The following MNAT1 variants were observed in gnomAD, a reference collection of about 807,000 sequenced individuals.
The protein encoded by MNAT1 is CDK-activating kinase assembly factor MAT1.
In MNAT1, 43 loss-of-function variants were observed where a neutral mutation model predicts 42.0. That is an observed-to-expected ratio of 1.02 (90% CI 0.80 to 1.32). The LOEUF (loss-of-function observed/expected upper bound fraction) is 1.32, where lower values mean the gene tolerates loss of function less well. MNAT1 is among the 40% of genes most tolerant of loss of function. The pLI is 0.00. For missense variants in MNAT1, 306 were observed against 350.4 expected, an observed-to-expected ratio of 0.87 and a Z score of 1.01; for synonymous variants, 118 against 120.0, an observed-to-expected ratio of 0.98 and a Z score of 0.11.
At chr14:60,879,214 CAT>C (rs1314656642) in intron 6 of MNAT1, among the ~76,000 whole-genome samples, 1 of 152,018 alleles carries the variant, frequency 6.6e-6, no homozygotes, top group African/African-American at 2.4e-5. Flanking sequence ...CAGTCTTCAC[CAT>C]AGATGTTTGT....
chr14:60,796,352 G>GA lies in MNAT1; in HGVS notation c.231dup (p.Val78SerfsTer7). 6.2e-7 allele frequency: 1 copy of GA among 1,610,508 alleles called. No individual in the cohort carries two copies. The highest frequency in any genetic ancestry group is 8.5e-7 in the Non-Finnish European group (1 of 1,178,760). On this transcript the variant is annotated frameshift_variant, in exon 2 of 8. Coordinates refer to ENST00000261245, the MANE Select transcript of MNAT1 (RefSeq NM_002431.4). LOFTEE classifies it high-confidence loss of function. Reference sequence around the variant, plus strand: ...CTGTTGACAAGGAGGTTGAGATCAGGAAAAAAGTGCTAAAGATGTAAGTAT... The same window carrying GA: ...CTGTTGACAAGGAGGTTGAGATCAGGAAAAAAAGTGCTAAAGATGTAAGTAT...
Position 60,968,232 on chromosome 14 carries a change from T to A in MNAT1, c.813T>A (p.Tyr271Ter). The A allele has an allele frequency of 1.2e-6, 2 of 1,610,336 alleles. No homozygotes were observed. Among genetic ancestry groups the A allele is most frequent in the Non-Finnish European group, 1.7e-6 (2 of 1,178,650 alleles). Reference protein sequence around the residue: ...PELEMLGRLGYLNHVRAASPQ... With the variant: ...PELEMLGRLG ...TACACTTCTTGTTTTGTTTTAGGTA[T>A]TTAAACCATGTCAGAGCTGCCTCAC... Residue 271 changes from tyrosine (Y) to a stop codon, truncating the protein, a stop_gained, in exon 8 of 8, where the codon TAT becomes TAA. Coordinates refer to ENST00000261245, the MANE Select transcript of MNAT1 (RefSeq NM_002431.4). LOFTEE classifies it high-confidence loss of function.
intron 6 of MNAT1, among the ~76,000 whole-genome samples, chr14:60,867,816 AG>A (rs896751700): frequency 8.5e-5 from 13 of 152,166 alleles, no homozygotes; most frequent in African/African-American, 3.1e-4. Flanking sequence ...AGACAGTGCC[AG>A]GAGAAGTACA....
At chr14:60,781,862 C>T (rs1490312365) in intron 1 of MNAT1, among the ~76,000 whole-genome samples, 3 of 151,526 alleles carry the variant, frequency 2.0e-5, no homozygotes, top group African/African-American at 7.3e-5. Flanking sequence ...TTTAGTGTCT[C>T]AAGTATTTAT....
At chr14:60,807,739 A>C (rs2032417670) in intron 3 of MNAT1, among the ~76,000 whole-genome samples, 1 of 152,086 alleles carries the variant, frequency 6.6e-6, no homozygotes, top group Admixed American at 6.5e-5. Context: ...TCTCTTAAGA[A>C]ATTCTTTTAC....
chr14:60,903,907 C>G (rs1236426710), intron 7 of MNAT1, among the ~76,000 whole-genome samples: 1 of 121,196 alleles, frequency 8.3e-6, no homozygotes, highest in Non-Finnish European at 1.6e-5. Flanking sequence ...GAGTTTCTCT[C>G]TGTCGCCTGG....
chr14:60,883,959 T>G (rs2034606754), intron 7 of MNAT1, among the ~76,000 whole-genome samples: 1 of 151,754 alleles, frequency 6.6e-6, no homozygotes, highest in South Asian at 2.1e-4. Context: ...GTTCTAATAG[T>G]TTTTTTGTGA....
chr14:60,891,820 T>C (rs113911940), intron 7 of MNAT1, among the ~76,000 whole-genome samples: 108 of 152,290 alleles, frequency 7.1e-4, no homozygotes, highest in African/African-American at 2.6e-3. Context: ...TCTTTTGCTG[T>C]GTCCCATACG....
intron 7 of MNAT1, among the ~76,000 whole-genome samples, chr14:60,931,451 G>T (rs536189279): frequency 6.6e-6 from 1 of 152,168 alleles, no homozygotes; most frequent in African/African-American, 2.4e-5. Context: ...TGCTGCCAGA[G>T]AGTATGTGCA....
At chr14:60,771,470 C>G (rs545992161) in intron 1 of MNAT1, among the ~76,000 whole-genome samples, 1 of 152,276 alleles carries the variant, frequency 6.6e-6, no homozygotes, top group African/African-American at 2.4e-5. Context: ...TCCCTATAGT[C>G]TGCTTTCACA....
chr14:60,926,270 C>T (rs1345642993), intron 7 of MNAT1, among the ~76,000 whole-genome samples: 1 of 152,194 alleles, frequency 6.6e-6, no homozygotes, highest in East Asian at 1.9e-4. Flanking sequence ...CACACACCAA[C>T]CAAAGCAGTT....
At chr14:60,953,612 G>A (rs1313336022) in intron 7 of MNAT1, among the ~76,000 whole-genome samples, 1 of 152,116 alleles carries the variant, frequency 6.6e-6, no homozygotes, top group Admixed American at 6.6e-5. Context: ...TGTACCAGAT[G>A]CTTTACATAA....
At chr14:60,741,674 TTTTTTTAA>T (rs1015517036) in intron 1 of MNAT1, among the ~76,000 whole-genome samples, 10 of 146,602 alleles carry the variant, frequency 6.8e-5, no homozygotes, top group Non-Finnish European at 1.4e-4. Flanking sequence ...TTTTTTTTTT[TTTTTTTAA>T]TTTTTAGTAG....
chr14:60,915,065 G>C (rs1301607468), intron 7 of MNAT1, among the ~76,000 whole-genome samples: 1 of 152,160 alleles, frequency 6.6e-6, no homozygotes, highest in Non-Finnish European at 1.5e-5. Context: ...CGAGAGCAAG[G>C]TGCTATTTCA....
chr14:60,847,789 T>C (rs2033717805), intron 6 of MNAT1, among the ~76,000 whole-genome samples: 1 of 152,226 alleles, frequency 6.6e-6, no homozygotes, highest in Non-Finnish European at 1.5e-5. Flanking sequence ...ATTGACTTCA[T>C]ATTAATACTA....
chr14:60,813,647 C>T (rs2139356031), intron 5 of MNAT1, among the ~76,000 whole-genome samples: 1 of 152,234 alleles, frequency 6.6e-6, no homozygotes, highest in South Asian at 2.1e-4. Context: ...CTTTAGTCCA[C>T]ACAGTATGTA....
intron 5 of MNAT1, among the ~76,000 whole-genome samples, chr14:60,817,924 G>A (rs1303146026): frequency 6.6e-6 from 1 of 151,778 alleles, no homozygotes; most frequent in Non-Finnish European, 1.5e-5. Flanking sequence ...GTAGGAAAGA[G>A]AGAGAGAGAT....
chr14:60,873,522 A>G (rs953113926), intron 6 of MNAT1, among the ~76,000 whole-genome samples: 3 of 152,132 alleles, frequency 2.0e-5, no homozygotes, highest in African/African-American at 7.2e-5. Flanking sequence ...ATGCTGGAGT[A>G]CAGTGGCACA....
intron 1 of MNAT1, among the ~76,000 whole-genome samples, chr14:60,783,168 G>T (rs1448418134): frequency 6.6e-6 from 1 of 152,138 alleles, no homozygotes; most frequent in East Asian, 1.9e-4. Flanking sequence ...CTGTTGGTTT[G>T]AATACTCCAG....
Sources: allele counts gnomAD v4.1 joint callset (sites outside exome capture counted in the v4.1 genomes callset), GRCh38; gene constraint gnomAD v4.1.1; transcripts MANE v1.5; gene names NCBI Gene and HGNC (gene_info 2026-07-23, HGNC 2026-07-21).